The following PDXDC1 variants were observed in gnomAD, a reference collection of about 807,000 sequenced individuals.
PDXDC1 encodes the protein pyridoxal dependent decarboxylase domain containing 1, also known as pyridoxal-dependent decarboxylase domain-containing protein 1.
A neutral mutation model predicts 100.1 loss-of-function variants in PDXDC1; 42 were observed. That is an observed-to-expected ratio of 0.42 (90% CI 0.33 to 0.54). The LOEUF is 0.54. Ranked by LOEUF, PDXDC1 falls within the 20% of genes least tolerant of loss-of-function variation. PDXDC1 has a pLI of 0.10. For synonymous variants in PDXDC1, 260 were observed against 371.7 expected, an observed-to-expected ratio of 0.70 and a Z score of 3.46; for missense variants, 636 against 979.2, an observed-to-expected ratio of 0.65 and a Z score of 4.68.
At chr16:15,071,605 TA>T (rs1210644491) in intron 16 of PDXDC1, among the ~76,000 whole-genome samples, 1 of 151,972 alleles carries the variant, frequency 6.6e-6, no homozygotes, top group African/African-American at 2.4e-5. Flanking sequence ...CTGTCTCTAC[TA>T]AAAATACAAA....
chr16:14,985,381 G>A (rs1241674676), intron 1 of PDXDC1, among the ~76,000 whole-genome samples: 4 of 149,946 alleles, frequency 2.7e-5, no homozygotes, highest in Non-Finnish European at 4.4e-5. Context: ...TCCGCCTCCC[G>A]GGTTCACGCC....
In PDXDC1 at chr16:15,063,283, C is replaced by T. The variant is rs571309624; in HGVS notation, c.1399+33227C>T. Reference sequence around the variant, plus strand: ...AAATAGGATCAATGAATTTCTTTGACCTGTCAACAAAGATCACATTTCAAA... The same window carrying T: ...AAATAGGATCAATGAATTTCTTTGATCTGTCAACAAAGATCACATTTCAAA... On this transcript the variant is annotated intron_variant, in intron 16 of 16. Coordinates refer to the PDXDC1 transcript ENST00000535621. 70 of 1,607,026 alleles carry T rather than the reference C, an allele frequency of 4.4e-5. No individual in the cohort carries two copies. The East Asian group carries it at 1.5e-3, about 35-fold the overall frequency.
chr16:15,093,979 C>G, intron 16 of PDXDC1: 1 of 674,548 alleles, frequency 1.5e-6, no homozygotes, highest in Non-Finnish European at 2.7e-6. Flanking sequence ...ATGTCTATTA[C>G]CCAGTTAGGA....
intron 16 of PDXDC1, chr16:15,131,186 C>T (rs774895850): frequency 1.3e-6 from 2 of 1,589,838 alleles, no homozygotes; most frequent in South Asian, 2.2e-5. Flanking sequence ...GGCTGGACCA[C>T]AACGGAGTTG....
intron 1 of PDXDC1, chr16:14,990,234 C>T (rs1283504798): frequency 1.0e-5 from 9 of 869,266 alleles, no homozygotes; most frequent in Non-Finnish European, 1.2e-5. Context: ...CCCGGCCGCC[C>T]GTGCCTCACT....
In PDXDC1 at chr16:15,016,223, C is replaced by T. The variant is rs374538758; in HGVS notation, c.812+10C>T. On this transcript the variant is annotated intron_variant, in intron 9 of 22. Transcript: ENST00000396410. Reference sequence around the variant, plus strand: ...GGCTTCATGTGGAGGGGTAAGCCGGCGGTGAGGCTGGTGGCTCCATTCGGG... The same window carrying T: ...GGCTTCATGTGGAGGGGTAAGCCGGTGGTGAGGCTGGTGGCTCCATTCGGG... 31 of 1,611,070 alleles carry T rather than the reference C, an allele frequency of 1.9e-5. No homozygotes were observed. The highest frequency in any genetic ancestry group is 5.3e-5 in the African/African-American group (4 of 74,970).
chr16:15,123,126 GCAAC>G (rs2047521512), intron 16 of PDXDC1, among the ~76,000 whole-genome samples: 1 of 150,076 alleles, frequency 6.7e-6, no homozygotes, highest in Non-Finnish European at 1.5e-5. Flanking sequence ...CCCTCCCTTA[GCAAC>G]CCTGGGGCTT....
chr16:14,995,669 G>A (rs1971809717), intron 1 of PDXDC1, among the ~76,000 whole-genome samples: 1 of 152,290 alleles, frequency 6.6e-6, no homozygotes, highest in African/African-American at 2.4e-5. Context: ...ATGAGTTAGG[G>A]AGGATTTCCT....
intron 16 of PDXDC1, among the ~76,000 whole-genome samples, chr16:15,086,853 G>A (rs994394678): frequency 2.0e-5 from 3 of 152,302 alleles, no homozygotes; most frequent in African/African-American, 7.2e-5. Context: ...TGACCAGGAA[G>A]CATGCTGATA....
chr16:15,038,385 A>C (rs1343751083), downstream of PDXDC1: 1 of 618,902 alleles, frequency 1.6e-6, no homozygotes, highest in Non-Finnish European at 2.8e-6. Context: ...TTACCCACAC[A>C]CATTTCCATC....
intron 16 of PDXDC1, among the ~76,000 whole-genome samples, chr16:15,031,483 A>T (rs1480732048): frequency 6.6e-6 from 1 of 152,144 alleles, no homozygotes; most frequent in Non-Finnish European, 1.5e-5. Context: ...AGTGATTTCT[A>T]ACACTGGAGT....
chr16:15,143,355 T>C (rs1054702346), downstream of PDXDC1, among the ~76,000 whole-genome samples: 2 of 152,084 alleles, frequency 1.3e-5, no homozygotes, highest in African/African-American at 4.8e-5. Flanking sequence ...AGGCTGCCCC[T>C]CCACACCCCT....
Position 14,998,415 on chromosome 16 carries a change from A to G in PDXDC1, c.161+10A>G. 1 of 1,609,936 alleles carries G rather than the reference A, an allele frequency of 6.2e-7. No homozygotes were observed. Among genetic ancestry groups the G allele is most frequent in the Non-Finnish European group, 8.5e-7 (1 of 1,178,952 alleles). On this transcript the variant is annotated intron_variant, in intron 3 of 22. Transcript: ENST00000396410. ...GCCCACTCCAGGGCAGGTAGGTGGC[A>G]CTGAGGATCCATACCTTTAGTTAAG... is the stretch of plus-strand genomic sequence containing the variant.
Position 15,036,563 on chromosome 16 carries a change from G to T in PDXDC1, c.*288G>T. ...CACTTCGAATTTCAAGTGTCTACCA[G>T]TAGCACCCTTGCTCTTTCTAAACAT... On this transcript the variant is annotated 3_prime_UTR_variant, in exon 23 of 23. Coordinates refer to ENST00000396410, the MANE Select transcript of PDXDC1 (RefSeq NM_015027.4). The T allele has an allele frequency of 2.2e-6, 1 of 460,260 alleles. No homozygotes were observed. Among genetic ancestry groups the T allele is most frequent in the Non-Finnish European group, 3.9e-6 (1 of 258,394 alleles). 28.5% of individuals were successfully genotyped at this position (460,260 alleles called of 1,614,324 possible). A position where few individuals can be genotyped will look rare whatever the true frequency, so the allele number is the denominator to read the frequency against.
At chr16:15,041,257 G>GGCCCTGTTTCCCT (rs558931508), downstream of PDXDC1, 47 of 689,642 alleles carry the variant, frequency 6.8e-5, no homozygotes, top group African/African-American at 8.2e-4. Context: ...AAGGGATTGT[G>GGCCCTGTTTCCCT]GCCCTGTTTC....
chr16:15,011,631 C>CTTTTTTTTTTTTTTTTTTTTTCT, intron 8 of PDXDC1, among the ~76,000 whole-genome samples: 14 of 131,260 alleles, frequency 1.1e-4, no homozygotes, highest in South Asian at 7.1e-4. Flanking sequence ...ACATTTTTTT[C>CTTTTTTTTTTTTTTTTTTTTTCT]TTTTTTTTTT....
chr16:15,064,945 T>A (rs1056891193), intron 16 of PDXDC1, among the ~76,000 whole-genome samples: 15 of 152,092 alleles, frequency 9.9e-5, no homozygotes, highest in Non-Finnish European at 1.5e-4. Flanking sequence ...GGCGGGCGGA[T>A]CACGAGGTCA....
intron 16 of PDXDC1, among the ~76,000 whole-genome samples, chr16:15,073,317 G>A (rs184853294): frequency 6.6e-6 from 1 of 152,284 alleles, no homozygotes; most frequent in Non-Finnish European, 1.5e-5. Flanking sequence ...AAATTAGCCA[G>A]GCATGGTGGC....
chr16:15,087,270 G>A (rs971783016), intron 16 of PDXDC1, among the ~76,000 whole-genome samples: 6 of 152,172 alleles, frequency 3.9e-5, no homozygotes, highest in African/African-American at 1.4e-4. Context: ...CCATATGCCA[G>A]GCATGGTGCC....
Sources: gnomAD v4.1 joint callset for allele counts (sites outside exome capture counted in the v4.1 genomes callset) on GRCh38, gnomAD v4.1.1 for gene constraint, MANE v1.5 for transcripts, NCBI Gene and HGNC (gene_info 2026-07-23, HGNC 2026-07-21) for gene names.